SLC41A1: variants seen among roughly 807,000 people sequenced by gnomAD.
The protein encoded by SLC41A1 is solute carrier family 41 member 1, also known as solute carrier family 41 (magnesium transporter), member 1.
A neutral mutation model predicts 47.3 loss-of-function variants in SLC41A1; 20 were observed. That is an observed-to-expected ratio of 0.42 (90% confidence interval 0.30 to 0.61). The LOEUF (loss-of-function observed/expected upper bound fraction) is 0.61, where lower values mean the gene tolerates loss of function less well. Among genes scored for constraint, SLC41A1 ranks in the 20% least tolerant of loss-of-function variants. The probability of loss-of-function intolerance (pLI) is 0.17; values close to 1 mark genes in which losing one functional copy is unlikely to be tolerated. For synonymous variants in SLC41A1, 282 were observed against 272.7 expected, an observed-to-expected ratio of 1.03 and a Z score of -0.34; for missense variants, 504 against 674.1, an observed-to-expected ratio of 0.75 and a Z score of 2.79.
intron 6 of SLC41A1, among the ~76,000 whole-genome samples, 157 bp downstream of exon 6, chr1:205,798,512 T>C (rs977954065): frequency 6.6e-6 from 1 of 152,220 alleles, no homozygotes; most frequent in South Asian, 2.1e-4. Context: ...TTGAGATCAG[T>C]ACTTAGCTTC....
In SLC41A1 at chr1:205,795,426, C is replaced by T; in HGVS notation, c.1125G>A (p.Leu375=). ...AVQASRISTF[L]HMNGMPGENS... ...TCTCTCCGGGCATTCCATTCATGTG[C>T]AGGAAGGTGGAGATGCGGCTGGCCT... Residue 375 remains leucine (L), a synonymous_variant, in exon 9 of 11, where the codon CTG becomes CTA. Transcript: ENST00000367137. The T allele has an allele frequency of 6.2e-7, 1 of 1,614,204 alleles. No individual in the cohort carries two copies. The highest frequency in any genetic ancestry group is 8.5e-7 in the Non-Finnish European group (1 of 1,180,030).
intron 2 of SLC41A1, among the ~76,000 whole-genome samples, chr1:205,805,254 T>C (rs1655989628): frequency 6.6e-6 from 1 of 152,166 alleles, no homozygotes; most frequent in Non-Finnish European, 1.5e-5. Context: ...CCTACACACA[T>C]ACTTTCTTCA....
intron 2 of SLC41A1, among the ~76,000 whole-genome samples, chr1:205,808,271 TAACCAAC>T (rs2102510854): frequency 6.6e-6 from 1 of 152,334 alleles, no homozygotes; most frequent in East Asian, 1.9e-4. Context: ...TCCGAGTTTT[TAACCAAC>T]TGGTGAACCA....
At position 205,791,555 on chromosome 1, in the gene SLC41A1, C is replaced by T. The variant is rs778685596; in HGVS notation, c.1520G>A (p.Arg507Gln). The T allele has an allele frequency of 1.0e-4, 163 of 1,613,938 alleles. 1 individual carries two copies. Among genetic ancestry groups the T allele is most frequent in the Non-Finnish European group, 1.3e-4 (150 of 1,180,008 alleles). Residue 507 changes from arginine to glutamine, a missense_variant, in exon 11 of 11, where the codon CGA (arginine) becomes CAA (glutamine). By Grantham distance (43) the Arg-to-Gln change is conservative. Around this residue, in one of 2 missense-constraint regions of SLC41A1, gnomAD observed 421 missense variants for 601.6 expected, o/e 0.70. Coordinates refer to ENST00000367137, the MANE Select transcript of SLC41A1 (RefSeq NM_173854.6). This position sits in a 1 kb window ranked among gnomAD's most constrained non-coding sequence, Gnocchi z 4.0. ...SFHVLWLIGDRDTDVGD is the reference protein window; with the variant it reads ...SFHVLWLIGDQDTDVGD ...AAGCTAGTCCCCGACATCCGTGTCT[C>T]GGTCCCCTATGAGCCAGAGAACATG...
chr1:205,798,222 A>C (rs1655792879), intron 6 of SLC41A1, among the ~76,000 whole-genome samples, 171 bp from the exon 7 acceptor site: 1 of 152,210 alleles, frequency 6.6e-6, no homozygotes, highest in Non-Finnish European at 1.5e-5. Flanking sequence ...AGGTGGGACA[A>C]GCCTTTTCCA....
intron 7 of SLC41A1, among the ~76,000 whole-genome samples, chr1:205,797,504 G>C (rs1655776272): frequency 6.6e-6 from 1 of 152,258 alleles, no homozygotes; most frequent in Non-Finnish European, 1.5e-5. Context: ...CATGTCACCA[G>C]ATGAGAAGCA....
rs1655979572 is a variant in SLC41A1 at position 205,804,909 on chromosome 1, A to G, written c.373-3849T>C. Among the ~76,000 whole-genome samples, 6 of 152,318 alleles carry G rather than the reference A, an allele frequency of 3.9e-5. No homozygotes were observed. The South Asian group carries it at 1.2e-3, about 32-fold the overall frequency. On this transcript the variant is annotated intron_variant, in intron 2 of 10. Transcript: ENST00000367137. ...ACATGTATGCAAGCAATGTTTTCTGAGCTGTTTGTAATGAATATTGCTTGC... is the reference window on the plus strand; with the variant it reads ...ACATGTATGCAAGCAATGTTTTCTGGGCTGTTTGTAATGAATATTGCTTGC...
Position 205,791,066 on chromosome 1 carries a change from T to C in SLC41A1, c.*467A>G, listed in dbSNP as rs1655616123. On this transcript the variant is annotated 3_prime_UTR_variant, in exon 11 of 11. Transcript: ENST00000367137. The surrounding 1 kb of genome is among the most constrained non-coding windows in gnomAD (Gnocchi z 4.0). ...GTCCACTTCTACAAAAGTATGTCTG[T>C]GTTTGGGAGTGTTACTTATTCTTCT... is the stretch of plus-strand genomic sequence containing the variant. The C allele has an allele frequency of 4.1e-6, 1 of 241,566 alleles. No individual in the cohort carries two copies. Among genetic ancestry groups the C allele is most frequent in the African/African-American group, 2.3e-5 (1 of 43,688 alleles). The allele number at this position is 241,566 out of a possible 1,614,324, so 15.0% of individuals were successfully genotyped here. A position where few individuals can be genotyped will look rare whatever the true frequency, so the allele number is the denominator to read the frequency against.
chr1:205,800,855 T>A, intron 3 of SLC41A1, 98 bp downstream of exon 3: 2 of 1,084,380 alleles, frequency 1.8e-6, no homozygotes, highest in Non-Finnish European at 2.8e-6. Flanking sequence ...ACTCCAGGCC[T>A]GGGCAGTGGA....
intron 9 of SLC41A1, 99 bp from the exon 10 acceptor site, chr1:205,795,117 C>T: frequency 6.6e-7 from 1 of 1,516,236 alleles, no homozygotes; most frequent in South Asian, 1.2e-5. Context: ...TACCCCAGGG[C>T]AACAGACAGA....
chr1:205,796,899 C>CT (rs1426969490), intron 8 of SLC41A1, 25 bp downstream of exon 8: 1 of 1,607,392 alleles, frequency 6.2e-7, no homozygotes, highest in Non-Finnish European at 8.5e-7. Context: ...GCCCTGCCCT[C>CT]TGATAGCTGA....
At position 205,812,984 on chromosome 1, in the gene SLC41A1, G is replaced by A. The variant is rs1005590018; in HGVS notation, c.-823C>T. The stretch of plus-strand genomic sequence containing the variant: ...AGCGTCCAGCCGCGACACCCGGCTC[G>A]CTACATTTCGCTTCTGCGTTACAGC... On this transcript the variant is annotated 5_prime_UTR_variant, in exon 1 of 11. Coordinates refer to ENST00000367137, the MANE Select transcript of SLC41A1 (RefSeq NM_173854.6). 7.1e-6 allele frequency: 7 copies of A among 985,706 alleles called. No homozygotes were observed. 61.1% of individuals were successfully genotyped at this position (985,706 alleles called of 1,614,324 possible). A position where few individuals can be genotyped will look rare whatever the true frequency, so the allele number is the denominator to read the frequency against.
chr1:205,811,324 G>A (rs1656150130), intron 1 of SLC41A1, among the ~76,000 whole-genome samples: 1 of 152,144 alleles, frequency 6.6e-6, no homozygotes, highest in African/African-American at 2.4e-5. Context: ...GATCACCACC[G>A]TGGTCACCAG....
At chr1:205,801,456 G>A (rs143612004) in intron 2 of SLC41A1, 291 of 304,444 alleles carry the variant, frequency 9.6e-4, no homozygotes, top group African/African-American at 6.0e-3. Context: ...TTTGCCTTCA[G>A]TCCAGTTTCT....
rs1353943276 is a variant in SLC41A1, at chr1:205,810,351, C to G, written c.91G>C (p.Glu31Gln). 3.7e-6 allele frequency: 6 copies of G among 1,614,076 alleles called. No homozygotes were observed. The highest frequency in any genetic ancestry group is 1.7e-5 in the Admixed American group (1 of 60,008). Residue 31 changes from glutamate to glutamine, a missense_variant, in exon 2 of 11, where the codon GAG becomes CAG. By Grantham distance (29) the Glu-to-Gln change is conservative. This residue lies in a region of SLC41A1 where 83 missense variants were observed against 72.5 expected (regional missense o/e 1.15). Transcript: ENST00000367137. The surrounding 1 kb of genome is among the most constrained non-coding windows in gnomAD (Gnocchi z 5.5). The stretch of plus-strand genomic sequence containing the variant: ...AACTCTGAGGTCCCAGCCAAGGGCT[C>G]TCTCCCTGGGCCATCTGAAGAGCAG... ...SPCSSDGPGR[E>Q]PLAGTSEFLG...
chr1:205,802,406 C>T (rs991308387), intron 2 of SLC41A1, among the ~76,000 whole-genome samples: 22 of 152,284 alleles, frequency 1.4e-4, no homozygotes, highest in African/African-American at 4.8e-4. Flanking sequence ...AATTCCAACA[C>T]CCACACTCTG....
chr1:205,813,180 A>C lies in SLC41A1; in HGVS notation c.-1019T>G. 2 of 985,336 alleles carry C rather than the reference A, an allele frequency of 2.0e-6. No individual in the cohort carries two copies. Among genetic ancestry groups the C allele is most frequent in the Non-Finnish European group, 2.4e-6 (2 of 829,950 alleles). 61.0% of individuals were successfully genotyped at this position (985,336 alleles called of 1,614,324 possible). ...CCAACTGGTTGGCTGCCGGTGGCAA[A>C]CGTGATCTGGGGCAGACTGGGTGGC... On this transcript the variant is annotated 5_prime_UTR_variant, in exon 1 of 11. Coordinates refer to ENST00000367137, the MANE Select transcript of SLC41A1 (RefSeq NM_173854.6).
In SLC41A1 at chr1:205,801,036, T is replaced by C. The variant is rs746778023; in HGVS notation, c.397A>G (p.Thr133Ala). Residue 133 changes from threonine to alanine, a missense_variant, in exon 3 of 11, where the codon ACA becomes GCA. By Grantham distance (58) the Thr-to-Ala change is moderately conservative. Coordinates refer to ENST00000367137, the MANE Select transcript of SLC41A1 (RefSeq NM_173854.6). ...GCAGGCACTAGGATGAAGACCTCTG[T>C]CACCTTCTGGAAGACTTCCCAGTGC... ...VQHWEVFQKV[T>A]EVFILVPALL... The C allele has an allele frequency of 6.2e-7, 1 of 1,613,998 alleles. No individual in the cohort carries two copies. The highest frequency in any genetic ancestry group is 8.5e-7 in the Non-Finnish European group (1 of 1,179,994).
rs913088171 is a variant in SLC41A1, at chr1:205,794,994, A to G, written c.1232T>C (p.Val411Ala). Reference sequence around the variant, plus strand: ...TCCTGGGACCACGAGGAGGAAGAGGACCCGGGCTGAGCGAGAATTCACATC... The same window carrying G: ...TCCTGGGACCACGAGGAGGAAGAGGGCCCGGGCTGAGCGAGAATTCACATC... ...SPDVNSRSAR[V>A]LFLLVVPGHL... The change falls in exon 10 of 11, where the codon GTC (valine) becomes GCC (alanine). Residue 411 changes from valine (V) to alanine (A), a missense_variant. Transcript: ENST00000367137. The G allele has an allele frequency of 3.1e-6, 5 of 1,614,000 alleles. No individual in the cohort carries two copies. Among genetic ancestry groups the G allele is most frequent in the Non-Finnish European group, 4.2e-6 (5 of 1,179,988 alleles).
Sources: gnomAD v4.1 joint callset for allele counts (sites outside exome capture counted in the v4.1 genomes callset) on GRCh38, gnomAD v4.1.1 for gene constraint, gnomAD v4.1.1 regional missense constraint, Gnocchi (gnomAD v3.1) non-coding constraint, MANE v1.5 for transcripts, NCBI Gene and HGNC (gene_info 2026-07-23, HGNC 2026-07-21) for gene names.